The following ARB2A variants were observed in gnomAD, a reference collection of about 807,000 sequenced individuals.
ARB2A encodes the protein ARB2 cotranscriptional regulator A.
At chr5:93,691,162 G>A in the ARB2A span, among the ~76,000 whole-genome samples, 2 of 152,016 alleles carry the variant, frequency 1.3e-5, no homozygotes, top group Non-Finnish European at 2.9e-5. Context: ...GAACAAAACA[G>A]GATGGAGAAT....
At chr5:93,818,322 G>C in the ARB2A span, among the ~76,000 whole-genome samples, 1 of 152,138 alleles carries the variant, frequency 6.6e-6, no homozygotes, top group African/African-American at 2.4e-5. Flanking sequence ...AAATTAGATA[G>C]TAATGATAGT....
chr5:93,947,999 A>G, the ARB2A span, among the ~76,000 whole-genome samples: 25 of 152,170 alleles, frequency 1.6e-4, no homozygotes, highest in Non-Finnish European at 3.1e-4. Flanking sequence ...TTATAGCAGC[A>G]TGATTTACAG....
chr5:93,978,163 G>C, the ARB2A span, among the ~76,000 whole-genome samples: 7 of 152,158 alleles, frequency 4.6e-5, no homozygotes, highest in South Asian at 6.2e-4. Context: ...TACATTGTTG[G>C]TGGGAATGTA....
chr5:93,933,973 T>C, the ARB2A span, among the ~76,000 whole-genome samples: 7 of 152,044 alleles, frequency 4.6e-5, no homozygotes, highest in Admixed American at 4.6e-4. Context: ...GCCACTGCAT[T>C]ACAGCCTGGG....
chr5:93,924,482 CAG>C, the ARB2A span, among the ~76,000 whole-genome samples: 1 of 152,100 alleles, frequency 6.6e-6, no homozygotes, highest in Non-Finnish European at 1.5e-5. Flanking sequence ...CAGAGAATGG[CAG>C]AGAGAGTGCC....
chr5:93,650,265 G>C, the ARB2A span, among the ~76,000 whole-genome samples: 1 of 151,958 alleles, frequency 6.6e-6, no homozygotes, highest in Admixed American at 6.5e-5. Context: ...TCAACGACTT[G>C]AGGAAGTGGC....
chr5:93,632,535 T>C, the ARB2A span, among the ~76,000 whole-genome samples: 1 of 152,162 alleles, frequency 6.6e-6, no homozygotes, highest in East Asian at 1.9e-4. Flanking sequence ...TTATTCCAAG[T>C]TCATTGGAAG....
chr5:93,839,338 A>C, the ARB2A span, among the ~76,000 whole-genome samples: 3 of 152,182 alleles, frequency 2.0e-5, no homozygotes, highest in African/African-American at 7.2e-5. Context: ...AATCACATCC[A>C]CTGATTTGCA....
chr5:93,768,577 ATGTG>A, the ARB2A span, among the ~76,000 whole-genome samples: 1 of 150,202 alleles, frequency 6.7e-6, no homozygotes, highest in East Asian at 1.9e-4. Context: ...CATATATACT[ATGTG>A]TGTGTGTGTG....
chr5:93,658,930 A>T, the ARB2A span, among the ~76,000 whole-genome samples: 2 of 138,894 alleles, frequency 1.4e-5, no homozygotes, highest in Non-Finnish European at 3.1e-5. Flanking sequence ...AAGGAAGCAA[A>T]CAGGGATAGG....
At chr5:94,005,845 T>C in the ARB2A span, among the ~76,000 whole-genome samples, 1 of 152,258 alleles carries the variant, frequency 6.6e-6, no homozygotes, top group African/African-American at 2.4e-5. Context: ...TCACTACACA[T>C]TCGTCAAAAT....
chr5:93,931,943 T>C, the ARB2A span, among the ~76,000 whole-genome samples: 2 of 152,200 alleles, frequency 1.3e-5, no homozygotes, highest in Admixed American at 6.5e-5. Context: ...ATCCATATTG[T>C]TGCATATAAT....
chr5:93,642,885 T>C, the ARB2A span, among the ~76,000 whole-genome samples: 2 of 152,202 alleles, frequency 1.3e-5, no homozygotes, highest in Non-Finnish European at 2.9e-5. Context: ...GTGATAAAAG[T>C]TAACCACCTA....
chr5:93,863,210 T>A, the ARB2A span: 1 of 152,048 alleles, frequency 6.6e-6, no homozygotes, highest in Non-Finnish European at 1.5e-5. Flanking sequence ...CAAAAACTCC[T>A]CAGAAATAGG....
chr5:93,759,033 C>T, the ARB2A span, among the ~76,000 whole-genome samples: 1 of 151,894 alleles, frequency 6.6e-6, no homozygotes, highest in South Asian at 2.1e-4. Context: ...AGAAAAAATC[C>T]AAATAACCTC....
the ARB2A span, among the ~76,000 whole-genome samples, chr5:93,829,499 T>C: frequency 2.6e-5 from 4 of 152,314 alleles, no homozygotes; most frequent in Admixed American, 1.3e-4. Context: ...TTGTGCATGC[T>C]TCCTATTATT....
At chr5:93,965,313 AC>A in the ARB2A span, among the ~76,000 whole-genome samples, 4 of 151,986 alleles carry the variant, frequency 2.6e-5, no homozygotes, top group Non-Finnish European at 5.9e-5. Context: ...TCAGTTTACA[AC>A]AGTAAGAAAA....
At chr5:93,852,505 T>C in the ARB2A span, among the ~76,000 whole-genome samples, 1 of 152,190 alleles carries the variant, frequency 6.6e-6, no homozygotes, top group African/African-American at 2.4e-5. Context: ...TTGCTTTTGG[T>C]GTTTTAGACA....
At chr5:94,033,225 T>G in the ARB2A span, among the ~76,000 whole-genome samples, 1 of 152,172 alleles carries the variant, frequency 6.6e-6, no homozygotes, top group Non-Finnish European at 1.5e-5. Flanking sequence ...AGTGTGAGAA[T>G]ATACTAATAC....
Sources: gnomAD v4.1 joint callset for allele counts (sites outside exome capture counted in the v4.1 genomes callset) on GRCh38, gnomAD v4.1.1 for gene constraint, MANE v1.5 for transcripts, NCBI Gene and HGNC (gene_info 2026-07-23, HGNC 2026-07-21) for gene names.